The following ARID4B variants were observed in gnomAD, a reference collection of about 807,000 sequenced individuals.
The protein encoded by ARID4B is AT-rich interaction domain 4B.
A neutral mutation model predicts 147.5 loss-of-function variants in ARID4B; 26 were observed. The observed-to-expected ratio is 0.18, with a 90% confidence interval of 0.13 to 0.24. ARID4B has a LOEUF of 0.24. ARID4B is among the 10% of genes least tolerant of loss of function. ARID4B has a pLI of 1.00. For synonymous variants in ARID4B, 512 were observed against 507.9 expected, an observed-to-expected ratio of 1.01 and a Z score of -0.11; for missense variants, 1,179 against 1,511.5, an observed-to-expected ratio of 0.78 and a Z score of 3.65.
intron 2 of ARID4B, among the ~76,000 whole-genome samples, chr1:235,304,337 G>C (rs779377907): frequency 1.1e-4 from 17 of 152,010 alleles, no homozygotes; most frequent in Admixed American, 7.2e-4. Context: ...AACAGAGGAA[G>C]ACCCTGTCCC....
At chr1:235,304,770 A>G (rs976611862) in intron 2 of ARID4B, among the ~76,000 whole-genome samples, 1 of 152,230 alleles carries the variant, frequency 6.6e-6, no homozygotes, top group Admixed American at 6.5e-5. Flanking sequence ...CCTAGCAGAT[A>G]AGATCAAGCA....
chr1:235,327,192 G>T, intron 1 of ARID4B: 1 of 427,382 alleles, frequency 2.3e-6, no homozygotes, highest in East Asian at 4.0e-5. Flanking sequence ...CCATTGTCGA[G>T]ACCCGACGGA....
chr1:235,305,733 G>A (rs771726741), intron 2 of ARID4B, among the ~76,000 whole-genome samples: 4 of 152,066 alleles, frequency 2.6e-5, no homozygotes, highest in Non-Finnish European at 5.9e-5. Flanking sequence ...CAGAGGCAGG[G>A]GGATCACTTG....
At chr1:235,285,796 C>G (rs1421036674) in intron 2 of ARID4B, among the ~76,000 whole-genome samples, 1 of 152,128 alleles carries the variant, frequency 6.6e-6, no homozygotes, top group Non-Finnish European at 1.5e-5. Context: ...ACATTAGCAA[C>G]AATCAGAAAT....
At position 235,223,186 on chromosome 1, in the gene ARID4B, T is replaced by C; in HGVS notation, c.1045A>G (p.Lys349Glu). 6.3e-7 allele frequency: 1 copy of C among 1,580,022 alleles called. No individual in the cohort carries two copies. Among genetic ancestry groups the C allele is most frequent in the Non-Finnish European group, 8.6e-7 (1 of 1,160,458 alleles). Residue 349 changes from lysine to glutamate, a missense_variant, in exon 13 of 24, where the codon AAA becomes GAA. Physicochemically the swap from Lys to Glu is moderately conservative, Grantham distance 56 (BLOSUM62 1). This residue lies in a region of ARID4B where 26 missense variants were observed against 77.9 expected (regional missense o/e 0.33). Coordinates refer to ENST00000264183, the MANE Select transcript of ARID4B (RefSeq NM_016374.6). ...CTCACATTATCAAATCCTCCAAGTTTGTGTACAAGTCTGAATAACTTAAAG... is the reference window on the plus strand; with the variant it reads ...CTCACATTATCAAATCCTCCAAGTTCGTGTACAAGTCTGAATAACTTAAAG... ...NLFKLFRLVHKLGGFDNIESG... is the reference protein window; with the variant it reads ...NLFKLFRLVHELGGFDNIESG...
chr1:235,188,994 T>C (rs1664884255), intron 19 of ARID4B, among the ~76,000 whole-genome samples: 1 of 152,168 alleles, frequency 6.6e-6, no homozygotes, highest in East Asian at 1.9e-4. Context: ...ATAAAATCCT[T>C]TGAAAGATCA....
chr1:235,179,517 C>CT (rs1664130258), intron 20 of ARID4B, among the ~76,000 whole-genome samples: 2 of 81,400 alleles, frequency 2.5e-5, no homozygotes, highest in Non-Finnish European at 4.5e-5. Context: ...GAGCAAAACT[C>CT]TATGTCTCAA....
Position 235,209,563 on chromosome 1 carries a change from G to GTTTTTT in ARID4B, c.1841+4205_1841+4206insAAAAAA, listed in dbSNP as rs374681138. 6.9e-4 allele frequency among the ~76,000 whole-genome samples: 95 copies of GTTTTTT among 137,184 alleles called. 3 individuals carry two copies. Among genetic ancestry groups the GTTTTTT allele is most frequent in the African/African-American group, 2.3e-3 (81 of 35,104 alleles). The allele number at this position is 137,184 out of a possible 152,430, so 90.0% of individuals were successfully genotyped here. A position where few individuals can be genotyped will look rare whatever the true frequency, so the allele number is the denominator to read the frequency against. The stretch of plus-strand genomic sequence containing the variant: ...AAGAAAATTGATTTTTTTGTTTTTT[G>GTTTTTT]TTTTGTTTTTTTTTTTTTGAGATGG... On this transcript the variant is annotated intron_variant, in intron 17 of 23. Transcript: ENST00000264183.
rs533997834 is a variant in ARID4B, at chr1:235,202,553, A to T, written c.1842-6438T>A. Among the ~76,000 whole-genome samples, 20 of 147,374 alleles carry T rather than the reference A, an allele frequency of 1.4e-4. 1 individual carries two copies. Among genetic ancestry groups the T allele is most frequent in the African/African-American group, 3.3e-4 (13 of 39,776 alleles). On this transcript the variant is annotated intron_variant, in intron 17 of 23. Coordinates refer to ENST00000264183, the MANE Select transcript of ARID4B (RefSeq NM_016374.6). ...ATAAAATGAAGTACAATGAAAAAAAAATTTTTTTTTTTTTGAGACGGAGTC... is the reference window on the plus strand; with the variant it reads ...ATAAAATGAAGTACAATGAAAAAAATATTTTTTTTTTTTTGAGACGGAGTC...
At chr1:235,295,009 TA>T (rs1672593286) in intron 2 of ARID4B, among the ~76,000 whole-genome samples, 1 of 150,966 alleles carries the variant, frequency 6.6e-6, no homozygotes, top group African/African-American at 2.4e-5. Flanking sequence ...TTTAAAATAT[TA>T]TTTTTTATTA....
chr1:235,239,718 C>T (rs1668862446), intron 8 of ARID4B, among the ~76,000 whole-genome samples: 1 of 151,988 alleles, frequency 6.6e-6, no homozygotes, highest in Non-Finnish European at 1.5e-5. Flanking sequence ...TGAGTACCTC[C>T]TCAGAATCAC....
At chr1:235,196,450 T>C (rs956523562) in intron 17 of ARID4B, among the ~76,000 whole-genome samples, 2 of 152,334 alleles carry the variant, frequency 1.3e-5, no homozygotes, top group African/African-American at 4.8e-5. Flanking sequence ...TTTCTACATT[T>C]TGTTTTACTT....
At chr1:235,207,217 G>T (rs1666363132) in intron 17 of ARID4B, among the ~76,000 whole-genome samples, 1 of 152,212 alleles carries the variant, frequency 6.6e-6, no homozygotes, top group Admixed American at 6.5e-5. Flanking sequence ...GGGAAGAGAT[G>T]TTGGGGATGT....
At chr1:235,187,327 G>A (rs1193079568) in intron 19 of ARID4B, among the ~76,000 whole-genome samples, 2 of 151,954 alleles carry the variant, frequency 1.3e-5, no homozygotes, top group Non-Finnish European at 2.9e-5. Flanking sequence ...CAGGTGATCC[G>A]CCTACCTTGG....
chr1:235,255,244 TAG>T (rs1669885597), intron 5 of ARID4B, among the ~76,000 whole-genome samples: 1 of 93,810 alleles, frequency 1.1e-5, no homozygotes, highest in Admixed American at 1.2e-4. Flanking sequence ...GATAGATAGA[TAG>T]ATAGATAGAT....
intron 2 of ARID4B, among the ~76,000 whole-genome samples, chr1:235,268,351 A>G (rs981596798): frequency 2.9e-5 from 4 of 135,780 alleles, no homozygotes; most frequent in Non-Finnish European, 6.4e-5. Flanking sequence ...TATAATATAT[A>G]TATATGTGTA....
intron 16 of ARID4B, 54 bp downstream of exon 16, chr1:235,219,739 A>C: frequency 7.2e-7 from 1 of 1,387,920 alleles, no homozygotes; most frequent in Non-Finnish European, 9.9e-7. Flanking sequence ...CAAAGAGCAA[A>C]TGATAAGAAT....
At chr1:235,225,825 C>G (rs958758489) in intron 11 of ARID4B, among the ~76,000 whole-genome samples, 1 of 152,000 alleles carries the variant, frequency 6.6e-6, no homozygotes, top group Non-Finnish European at 1.5e-5. Flanking sequence ...AAAGCTAGTA[C>G]AACAAAGAAA....
intron 2 of ARID4B, among the ~76,000 whole-genome samples, chr1:235,291,223 C>T (rs1351437918): frequency 1.3e-5 from 2 of 151,556 alleles, no homozygotes; most frequent in South Asian, 2.1e-4. Flanking sequence ...GTTGAAACCC[C>T]GTCTCTACTA....
Sources: allele counts gnomAD v4.1 joint callset (sites outside exome capture counted in the v4.1 genomes callset), GRCh38; gene constraint gnomAD v4.1.1; regional missense constraint gnomAD v4.1.1; transcripts MANE v1.5; gene names NCBI Gene and HGNC (gene_info 2026-07-23, HGNC 2026-07-21).